TTLL5: variants seen among roughly 807,000 people sequenced by gnomAD.
The protein encoded by TTLL5 is tubulin tyrosine ligase like 5.
A neutral mutation model predicts 168.4 loss-of-function variants in TTLL5; 132 were observed. The ratio of observed to expected loss-of-function variants is 0.78; its 90% confidence interval spans 0.68 to 0.91. The LOEUF (loss-of-function observed/expected upper bound fraction) is 0.91. TTLL5 is among the 40% of genes least tolerant of loss of function. The pLI is 0.00. For synonymous variants in TTLL5, 546 were observed against 558.6 expected, an observed-to-expected ratio of 0.98 and a Z score of 0.32; for missense variants, 1,545 against 1,581.5, an observed-to-expected ratio of 0.98 and a Z score of 0.39.
intron 28 of TTLL5, among the ~76,000 whole-genome samples, chr14:75,837,617 G>A (rs1007821020): frequency 8.6e-5 from 13 of 151,768 alleles, no homozygotes; most frequent in African/African-American, 1.9e-4. Flanking sequence ...TCCCCCCAAC[G>A]CCTGGACACT....
chr14:75,826,236 C>T (rs945199960), intron 28 of TTLL5, among the ~76,000 whole-genome samples: 4 of 151,640 alleles, frequency 2.6e-5, no homozygotes, highest in African/African-American at 9.7e-5. Flanking sequence ...TCTCTCACTC[C>T]ACTCCACACT....
At chr14:75,731,374 TACACACACAC>T (rs3031047) in intron 12 of TTLL5, among the ~76,000 whole-genome samples, 7,932 of 139,116 alleles carry the variant, frequency 0.057, 259 homozygotes, top group African/African-American at 0.099. Flanking sequence ...TACACATACA[TACACACACAC>T]ACACACACAC....
intron 20 of TTLL5, 83 bp from the exon 21 acceptor site, chr14:75,771,651 A>G: frequency 6.3e-7 from 1 of 1,579,038 alleles, no homozygotes; most frequent in Non-Finnish European, 8.6e-7. Flanking sequence ...GCATCCTCAA[A>G]GGCCACTTGG....
chr14:75,937,432 A>G (rs1988797), intron 31 of TTLL5, among the ~76,000 whole-genome samples: 121,228 of 151,924 alleles, frequency 0.8, 48,541 homozygotes, highest in African/African-American at 0.85. Flanking sequence ...GTCCATTTAC[A>G]TTCTTATGTA....
chr14:75,732,468 T>G lies in TTLL5; in HGVS notation c.1124+49T>G. On this transcript the variant is annotated intron_variant, in intron 13 of 31. Coordinates refer to ENST00000298832, the MANE Select transcript of TTLL5 (RefSeq NM_015072.5). ...AAAGGACAAATCTTCAAGTAGTACT[T>G]AAAGCACTTTTTTTTTTTTGATCAT... 2 of 1,503,520 alleles carry G rather than the reference T, an allele frequency of 1.3e-6. 1 individual carries two copies. The highest frequency in any genetic ancestry group is 4.6e-5 in the East Asian group (2 of 43,920). 93.1% of individuals were successfully genotyped at this position (1,503,520 alleles called of 1,614,324 possible).
intron 27 of TTLL5, among the ~76,000 whole-genome samples, chr14:75,819,597 T>A (rs1343832426): frequency 6.6e-6 from 1 of 152,250 alleles, no homozygotes; most frequent in Non-Finnish European, 1.5e-5. Context: ...ATTCTTTGTG[T>A]ATTATAATAA....
intron 28 of TTLL5, among the ~76,000 whole-genome samples, chr14:75,858,066 G>T (rs1489902168): frequency 6.6e-6 from 1 of 152,190 alleles, no homozygotes; most frequent in Non-Finnish European, 1.5e-5. Context: ...ATTGCAGCAG[G>T]TCTGTGATTC....
chr14:75,843,988 G>A (rs754218679), intron 28 of TTLL5, among the ~76,000 whole-genome samples: 8 of 151,646 alleles, frequency 5.3e-5, no homozygotes, highest in Non-Finnish European at 1.0e-4. Flanking sequence ...CACCTCCCAA[G>A]TTCAGGAGAT....
Position 75,719,747 on chromosome 14 carries a change from A to G in TTLL5, c.855A>G (p.Pro285=). 4 of 1,611,008 alleles carry G rather than the reference A, an allele frequency of 2.5e-6. No individual in the cohort carries two copies. The highest frequency in any genetic ancestry group is 2.5e-6 in the Non-Finnish European group (3 of 1,179,030). Residue 285 remains proline (P), a synonymous_variant, in exon 11 of 32, where the codon CCA becomes CCG. Coordinates refer to ENST00000298832, the MANE Select transcript of TTLL5 (RefSeq NM_015072.5). ...TAATTTGTTTTAGTTGTGACGATCC[A>G]GAAGTGGAGGATTATGGAAACAAAT... ...KSGDYVSCDD[P]EVEDYGNKWS...
At chr14:75,737,161 TC>T (rs1481461377) in intron 15 of TTLL5, among the ~76,000 whole-genome samples, 2 of 152,314 alleles carry the variant, frequency 1.3e-5, no homozygotes, top group African/African-American at 4.8e-5. Flanking sequence ...CTCTAGAAAA[TC>T]TGTTCAATGC....
At chr14:75,699,312 C>A (rs1166189381) in intron 7 of TTLL5, 42 bp downstream of exon 7, 1 of 1,516,648 alleles carries the variant, frequency 6.6e-7, no homozygotes, top group Non-Finnish European at 9.2e-7. Context: ...CTCACTTGTT[C>A]TTTCCTCCTT....
At position 75,952,677 on chromosome 14, in the gene TTLL5, A is replaced by G. The variant is rs1476722247; in HGVS notation, c.3824-1747A>G. Among the ~76,000 whole-genome samples the G allele has an allele frequency of 3.9e-5, 6 of 152,262 alleles. No homozygotes were observed. The South Asian group carries it at 8.3e-4, about 21-fold the overall frequency. On this transcript the variant is annotated intron_variant, in intron 31 of 31. Transcript: ENST00000298832. The stretch of plus-strand genomic sequence containing the variant: ...ACACACAATGGAATATTATTCAGCC[A>G]TAAAAAAGGAGTAGAGTAGTGATGC...
At chr14:75,693,844 A>G (rs1173965216) in intron 6 of TTLL5, among the ~76,000 whole-genome samples, 11 of 152,234 alleles carry the variant, frequency 7.2e-5, no homozygotes, top group Admixed American at 7.2e-4. Context: ...CTAATTACAG[A>G]TGACTAGATT....
chr14:75,903,006 A>G (rs969971970), intron 31 of TTLL5, among the ~76,000 whole-genome samples: 1 of 152,192 alleles, frequency 6.6e-6, no homozygotes, highest in African/African-American at 2.4e-5. Flanking sequence ...CACATAGAAT[A>G]ACAACAGACT....
intron 7 of TTLL5, among the ~76,000 whole-genome samples, chr14:75,700,138 T>C (rs2042518): frequency 0.88 from 133,610 of 152,180 alleles, 59,288 homozygotes; most frequent in Non-Finnish European, 0.95. Context: ...CTCTTGGACT[T>C]CTAAAGGGGG....
At chr14:75,778,749 T>TCCATGTG (rs1891872837) in intron 23 of TTLL5, among the ~76,000 whole-genome samples, 2 of 152,180 alleles carry the variant, frequency 1.3e-5, no homozygotes, top group South Asian at 4.1e-4. Context: ...GATGTTAAAG[T>TCCATGTG]CCATGTGTGA....
intron 12 of TTLL5, among the ~76,000 whole-genome samples, chr14:75,730,926 G>T (rs1473859975): frequency 6.6e-6 from 1 of 151,996 alleles, no homozygotes; most frequent in Non-Finnish European, 1.5e-5. Context: ...CACCATGTTG[G>T]CCAGGGTGGT....
At chr14:75,855,630 G>A (rs564169483) in intron 28 of TTLL5, among the ~76,000 whole-genome samples, 1 of 152,286 alleles carries the variant, frequency 6.6e-6, no homozygotes, top group Admixed American at 6.5e-5. Flanking sequence ...CAGAAGAGGG[G>A]AGCCTAAATT....
At chr14:75,818,491 T>C in intron 27 of TTLL5, 2 of 403,670 alleles carry the variant, frequency 5.0e-6, no homozygotes, top group South Asian at 3.6e-5. Flanking sequence ...TCTTTTCTTT[T>C]CTTTTTTTTT....
Sources: allele counts gnomAD v4.1 joint callset (sites outside exome capture counted in the v4.1 genomes callset), GRCh38; gene constraint gnomAD v4.1.1; transcripts MANE v1.5; gene names NCBI Gene and HGNC (gene_info 2026-07-23, HGNC 2026-07-21).